The following SLCO3A1 variants were observed in gnomAD, a reference collection of about 807,000 sequenced individuals.
SLCO3A1 encodes the protein PGE1 transporter.
A neutral mutation model predicts 63.1 loss-of-function variants in SLCO3A1; 27 were observed. That is an observed-to-expected ratio of 0.43 (90% CI 0.32 to 0.59). The LOEUF (loss-of-function observed/expected upper bound fraction) is 0.59. Among genes scored for constraint, SLCO3A1 ranks in the 20% least tolerant of loss-of-function variants. The pLI is 0.09. For synonymous variants in SLCO3A1, 473 were observed against 409.9 expected (o/e 1.15, Z -1.86); for missense variants, 773 against 945.8 (o/e 0.82, Z 2.40).
At chr15:91,980,748 A>G (rs750547266) in intron 2 of SLCO3A1, among the ~76,000 whole-genome samples, 3 of 152,082 alleles carry the variant, frequency 2.0e-5, no homozygotes, top group African/African-American at 4.8e-5. Flanking sequence ...GAACAAACAC[A>G]GTCCCAGGAA....
At chr15:92,031,148 G>T (rs1351749754) in intron 2 of SLCO3A1, among the ~76,000 whole-genome samples, 1 of 152,122 alleles carries the variant, frequency 6.6e-6, no homozygotes, top group Non-Finnish European at 1.5e-5. Flanking sequence ...AGTGGTTCCA[G>T]AGACCCACAG....
chr15:92,064,137 T>C (rs1192587005), intron 2 of SLCO3A1, among the ~76,000 whole-genome samples: 2 of 152,154 alleles, frequency 1.3e-5, no homozygotes, highest in Non-Finnish European at 2.9e-5. Context: ...TGCTGAGGCT[T>C]TCATCAGTGA....
chr15:92,168,660 A>G (rs934939325), downstream of SLCO3A1, among the ~76,000 whole-genome samples: 2 of 152,198 alleles, frequency 1.3e-5, no homozygotes, highest in African/African-American at 2.4e-5. Flanking sequence ...GGGCCAGGGC[A>G]TACATAGGAA....
At chr15:92,143,627 G>A (rs138891866) in intron 7 of SLCO3A1, among the ~76,000 whole-genome samples, 4 of 142,200 alleles carry the variant, frequency 2.8e-5, no homozygotes, top group South Asian at 4.5e-4. Context: ...GTATGTGAGC[G>A]GGGGATTCAG....
chr15:92,086,087 C>T (rs561587151), intron 2 of SLCO3A1, among the ~76,000 whole-genome samples: 4 of 152,288 alleles, frequency 2.6e-5, no homozygotes, highest in South Asian at 4.1e-4. Flanking sequence ...TGCTGGTGTG[C>T]GCATTCTTGG....
chr15:92,141,186 C>T (rs1343604877), intron 7 of SLCO3A1, among the ~76,000 whole-genome samples: 2 of 152,196 alleles, frequency 1.3e-5, no homozygotes, highest in East Asian at 1.9e-4. Context: ...GAATTCACCT[C>T]TCGCAGAGGC....
At chr15:92,153,251 A>C (rs1291347814) in intron 9 of SLCO3A1, among the ~76,000 whole-genome samples, 3 of 152,208 alleles carry the variant, frequency 2.0e-5, no homozygotes, top group Admixed American at 2.0e-4. Context: ...CAAACAAAAA[A>C]AAAAAATCAT....
Position 92,163,202 on chromosome 15 carries a change from A to C in SLCO3A1, c.*67A>C. The stretch of plus-strand genomic sequence containing the variant: ...TCATTTTTTTCTTAAAAAAAGAAAA[A>C]AAGGTTCCAAAAAAAACCAAAACTC... On this transcript the variant is annotated 3_prime_UTR_variant, in exon 10 of 10. Coordinates refer to ENST00000318445, the MANE Select transcript of SLCO3A1 (RefSeq NM_013272.4). The C allele has an allele frequency of 1.4e-6, 2 of 1,440,324 alleles. No homozygotes were observed. Among genetic ancestry groups the C allele is most frequent in the Non-Finnish European group, 1.8e-6 (2 of 1,103,878 alleles). The allele number at this position is 1,440,324 out of a possible 1,614,324, so 89.2% of individuals were successfully genotyped here. A position where few individuals can be genotyped will look rare whatever the true frequency, so the allele number is the denominator to read the frequency against.
intron 9 of SLCO3A1, among the ~76,000 whole-genome samples, chr15:92,156,417 TGACATCCA>T (rs2048372603): frequency 6.6e-6 from 1 of 152,212 alleles, no homozygotes; most frequent in Admixed American, 6.5e-5. Flanking sequence ...TGTACTGAGA[TGACATCCA>T]GTATTTACCA....
rs1000642717 is a variant in SLCO3A1 at position 91,948,279 on chromosome 15, C to T, written c.646+31821C>T. On this transcript the variant is annotated intron_variant, in intron 2 of 9. Coordinates refer to ENST00000318445, the MANE Select transcript of SLCO3A1 (RefSeq NM_013272.4). The surrounding 1 kb of genome is among the most constrained non-coding windows in gnomAD (Gnocchi z 4.8). The stretch of plus-strand genomic sequence containing the variant: ...AACCAGCTGGTCCCTCCACAGTGGG[C>T]TCAAATGTGACCCTGCGTAGTGCTC... Among the ~76,000 whole-genome samples the T allele has an allele frequency of 2.6e-5, 4 of 152,162 alleles. No individual in the cohort carries two copies. Among genetic ancestry groups the T allele is most frequent in the African/African-American group, 9.7e-5 (4 of 41,430 alleles).
intron 2 of SLCO3A1, among the ~76,000 whole-genome samples, chr15:91,962,845 G>A (rs1900501196): frequency 2.0e-5 from 3 of 152,160 alleles, no homozygotes; most frequent in African/African-American, 4.8e-5. Context: ...TTCTGGAGCC[G>A]GGTACAGGGA....
chr15:91,893,848 A>T (rs970098192), intron 1 of SLCO3A1, among the ~76,000 whole-genome samples: 3 of 152,214 alleles, frequency 2.0e-5, no homozygotes, highest in African/African-American at 7.2e-5. Context: ...AGGAACTAGC[A>T]ATCAGCAAAG....
At chr15:92,016,558 T>A (rs949267403) in intron 2 of SLCO3A1, among the ~76,000 whole-genome samples, 1 of 152,116 alleles carries the variant, frequency 6.6e-6, no homozygotes, top group African/African-American at 2.4e-5. Context: ...AGGTAGGTAG[T>A]GTGCAGCACG....
At chr15:91,969,858 G>A (rs1900795288) in intron 2 of SLCO3A1, among the ~76,000 whole-genome samples, 1 of 152,146 alleles carries the variant, frequency 6.6e-6, no homozygotes, top group Admixed American at 6.6e-5. Flanking sequence ...TGAGTTGCTG[G>A]GGAATTGGGT....
At chr15:92,050,715 G>C (rs944897979) in intron 2 of SLCO3A1, among the ~76,000 whole-genome samples, 2 of 152,090 alleles carry the variant, frequency 1.3e-5, no homozygotes, top group African/African-American at 4.8e-5. Flanking sequence ...TCATCTTTTA[G>C]GTCACGTCCC....
At chr15:91,993,533 C>G (rs1284393059) in intron 2 of SLCO3A1, among the ~76,000 whole-genome samples, 2 of 152,144 alleles carry the variant, frequency 1.3e-5, no homozygotes, top group African/African-American at 2.4e-5. Flanking sequence ...CTCTTTTCAT[C>G]CACACATCCA....
At chr15:91,965,910 T>C (rs1211010518) in intron 2 of SLCO3A1, among the ~76,000 whole-genome samples, 4 of 152,130 alleles carry the variant, frequency 2.6e-5, no homozygotes, top group Admixed American at 1.3e-4. Context: ...CTTGCTTTCA[T>C]TGAAGGGAGG....
chr15:91,987,133 G>A (rs755730022), intron 2 of SLCO3A1, among the ~76,000 whole-genome samples: 2 of 152,108 alleles, frequency 1.3e-5, no homozygotes, highest in Non-Finnish European at 2.9e-5. Context: ...AGGTGATGCA[G>A]GTTTTAAAAA....
Position 92,163,452 on chromosome 15 carries a change from AG to A in SLCO3A1, c.*320del. 2 of 1,049,138 alleles carry A rather than the reference AG, an allele frequency of 1.9e-6. No homozygotes were observed. The highest frequency in any genetic ancestry group is 2.3e-6 in the Non-Finnish European group (2 of 872,386). 65.0% of individuals were successfully genotyped at this position (1,049,138 alleles called of 1,614,324 possible). On this transcript the variant is annotated 3_prime_UTR_variant, in exon 10 of 10. Transcript: ENST00000318445. ...GCAAGCAACAGGCACTGCCAAATTC[AG>A]GGAACAGTGGTGGCCAGCTTGGAGG...
Sources: gnomAD v4.1 joint callset for allele counts (sites outside exome capture counted in the v4.1 genomes callset) on GRCh38, gnomAD v4.1.1 for gene constraint, Gnocchi (gnomAD v3.1) non-coding constraint, MANE v1.5 for transcripts, NCBI Gene and HGNC (gene_info 2026-07-23, HGNC 2026-07-21) for gene names.